GPR39: variants seen among roughly 807,000 people sequenced by gnomAD.
GPR39 encodes G protein-coupled receptor 39, also known as zinc sensing receptor.
GPR39 carries 23 observed loss-of-function variants against 18.4 expected under a neutral mutation model. That is an observed-to-expected ratio of 1.25 (90% CI 0.90 to 1.77). The LOEUF is 1.77. Ranked by LOEUF, GPR39 falls within the 40% of genes most tolerant of loss-of-function variation. The probability of loss-of-function intolerance (pLI) is 0.00; values close to 1 mark genes in which losing one functional copy is unlikely to be tolerated. For synonymous variants in GPR39, 280 were observed against 257.9 expected (o/e 1.09, Z -0.82); for missense variants, 647 against 602.4 (o/e 1.07, Z -0.78).
chr2:132,557,003 A>G (rs1188519936), intron 1 of GPR39, among the ~76,000 whole-genome samples: 2 of 152,152 alleles, frequency 1.3e-5, no homozygotes, highest in Non-Finnish European at 2.9e-5. Flanking sequence ...GCTGTTTATC[A>G]CATTGAACTG....
chr2:132,506,379 TGCTGTGCAGGA>T (rs1679136171), intron 1 of GPR39, among the ~76,000 whole-genome samples: 1 of 152,234 alleles, frequency 6.6e-6, no homozygotes, highest in Admixed American at 6.5e-5. Flanking sequence ...TTGTTTCCTT[TGCTGTGCAGGA>T]CCTTTTTAAT....
At position 132,584,955 on chromosome 2, in the gene GPR39, A is replaced by G. The variant is rs79498505; in HGVS notation, c.857-60146A>G. On this transcript the variant is annotated intron_variant, in intron 1 of 1. Transcript: ENST00000329321. ...TCAGAACCTCCTCAAAAACCTGAGC[A>G]CGGGGGAAGGGGAGGCCATGGGCTC... 6.7e-3 allele frequency among the ~76,000 whole-genome samples: 1,027 copies of G among 152,274 alleles called. 11 individuals carry two copies. The highest frequency in any genetic ancestry group is 0.023 in the African/African-American group (965 of 41,556).
At chr2:132,549,890 G>A (rs1457407143) in intron 1 of GPR39, among the ~76,000 whole-genome samples, 1 of 152,144 alleles carries the variant, frequency 6.6e-6, no homozygotes, top group Non-Finnish European at 1.5e-5. Flanking sequence ...CTATGTTGAT[G>A]CCAAGAGATC....
chr2:132,516,017 C>A (rs11690033), intron 1 of GPR39, among the ~76,000 whole-genome samples: 66,871 of 151,958 alleles, frequency 0.44, 15,657 homozygotes, highest in East Asian at 0.84. Flanking sequence ...CTCCTGTTAT[C>A]GGAGTCCCAG....
chr2:132,463,350 A>T (rs2104778314), intron 1 of GPR39, among the ~76,000 whole-genome samples: 1 of 149,222 alleles, frequency 6.7e-6, no homozygotes, highest in East Asian at 1.9e-4. Flanking sequence ...AGGTCTTTGG[A>T]GGGCAACAAC....
At chr2:132,447,672 T>A (rs1201211519) in intron 1 of GPR39, among the ~76,000 whole-genome samples, 2 of 152,184 alleles carry the variant, frequency 1.3e-5, no homozygotes, top group African/African-American at 2.4e-5. Flanking sequence ...CCAAAAATAT[T>A]TGTTTTTTAG....
At chr2:132,445,530 C>T (rs1036252240) in intron 1 of GPR39, among the ~76,000 whole-genome samples, 3 of 152,144 alleles carry the variant, frequency 2.0e-5, no homozygotes, top group Admixed American at 6.5e-5. Flanking sequence ...TAGACTTAAC[C>T]TTGATATATG....
intron 1 of GPR39, among the ~76,000 whole-genome samples, chr2:132,438,478 G>A (rs1458252771): frequency 6.6e-6 from 1 of 151,340 alleles, no homozygotes; most frequent in African/African-American, 2.4e-5. Context: ...GTCACTGGCA[G>A]ACAACCACTT....
chr2:132,529,715 C>A (rs1426891942), intron 1 of GPR39, among the ~76,000 whole-genome samples: 1 of 152,198 alleles, frequency 6.6e-6, no homozygotes, highest in Admixed American at 6.5e-5. Flanking sequence ...TGTTCTGCAG[C>A]CACCGCTGCT....
intron 1 of GPR39, among the ~76,000 whole-genome samples, chr2:132,630,141 G>A (rs1422228491): frequency 3.3e-5 from 5 of 152,060 alleles, no homozygotes; most frequent in African/African-American, 9.7e-5. Flanking sequence ...ATCCAGCCTC[G>A]AACCCCATGG....
chr2:132,544,672 G>A (rs1264247877), intron 1 of GPR39, among the ~76,000 whole-genome samples: 3 of 152,224 alleles, frequency 2.0e-5, no homozygotes, highest in Non-Finnish European at 2.9e-5. Context: ...TGGGCTGGGT[G>A]TGCACCAGTC....
At chr2:132,554,361 G>A (rs1680106500) in intron 1 of GPR39, among the ~76,000 whole-genome samples, 1 of 152,216 alleles carries the variant, frequency 6.6e-6, no homozygotes, top group East Asian at 1.9e-4. Context: ...AACATCATGG[G>A]CTCAGAGTCA....
intron 1 of GPR39, among the ~76,000 whole-genome samples, chr2:132,641,772 T>C (rs1681860544): frequency 6.6e-6 from 1 of 152,216 alleles, no homozygotes; most frequent in African/African-American, 2.4e-5. Flanking sequence ...ATGGCTCACA[T>C]TCTGTATTTC....
intron 1 of GPR39, among the ~76,000 whole-genome samples, chr2:132,540,901 A>G (rs143114461): frequency 1.3e-5 from 2 of 151,890 alleles, no homozygotes; most frequent in African/African-American, 4.8e-5. Context: ...AAACCTGGGA[A>G]TCAATCTGAC....
intron 1 of GPR39, among the ~76,000 whole-genome samples, chr2:132,476,824 G>C (rs967296335): frequency 1.3e-4 from 20 of 152,130 alleles, no homozygotes; most frequent in Admixed American, 5.9e-4. Context: ...TGTAGGACAG[G>C]CTGTTATTCC....
chr2:132,546,067 A>G (rs1430815069), intron 1 of GPR39, among the ~76,000 whole-genome samples: 2 of 152,236 alleles, frequency 1.3e-5, no homozygotes, highest in Non-Finnish European at 2.9e-5. Flanking sequence ...AGGCTTCTTA[A>G]TGTATTTTTC....
intron 1 of GPR39, among the ~76,000 whole-genome samples, chr2:132,571,695 G>C (rs569106583): frequency 6.6e-6 from 1 of 152,246 alleles, no homozygotes; most frequent in South Asian, 2.1e-4. Flanking sequence ...CACCATCTGG[G>C]GGTCAGGAAG....
intron 1 of GPR39, among the ~76,000 whole-genome samples, chr2:132,615,175 G>T (rs776930001): frequency 7.9e-5 from 12 of 152,104 alleles, no homozygotes; most frequent in Non-Finnish European, 1.8e-4. Flanking sequence ...TCAGAGCTTG[G>T]GAAGTACCTA....
chr2:132,646,494 C>T lies in GPR39; in HGVS notation c.*888C>T. ...TTTCATTAGTTTTAACAAAACTGTT[C>T]CAAAAGCGATTTGAGATGCCAATAC... On this transcript the variant is annotated 3_prime_UTR_variant, in exon 2 of 2. Coordinates refer to ENST00000329321, the MANE Select transcript of GPR39 (RefSeq NM_001508.3). 2.5e-6 allele frequency: 1 copy of T among 398,496 alleles called. No individual in the cohort carries two copies. The highest frequency in any genetic ancestry group is 4.4e-6 in the Non-Finnish European group (1 of 226,576). 24.7% of individuals were successfully genotyped at this position (398,496 alleles called of 1,614,324 possible).
Sources: allele counts gnomAD v4.1 joint callset (sites outside exome capture counted in the v4.1 genomes callset), GRCh38; gene constraint gnomAD v4.1.1; transcripts MANE v1.5; gene names NCBI Gene and HGNC (gene_info 2026-07-23, HGNC 2026-07-21).